Variants in TAF4B observed in about 807,000 individuals in gnomAD.
The protein encoded by TAF4B is TATA-box binding protein associated factor 4b.
In TAF4B, 38 loss-of-function variants were observed where a neutral mutation model predicts 86.4. The ratio of observed to expected loss-of-function variants is 0.44; its 90% CI spans 0.34 to 0.58. The LOEUF is 0.58. Ranked by LOEUF, TAF4B falls within the 20% of genes least tolerant of loss-of-function variation. The probability of loss-of-function intolerance (pLI) is 0.02; values close to 1 mark genes in which losing one functional copy is unlikely to be tolerated. For synonymous variants in TAF4B, 388 were observed against 391.2 expected (o/e 0.99, Z 0.10); for missense variants, 988 against 1,027.6 (o/e 0.96, Z 0.53).
At chr18:26,252,768 TA>T (rs1189353768) in intron 1 of TAF4B, among the ~76,000 whole-genome samples, 2 of 151,416 alleles carry the variant, frequency 1.3e-5, no homozygotes, top group Admixed American at 6.6e-5. Flanking sequence ...GCTGGTGGCA[TA>T]TTTTTTTATT....
chr18:26,366,811 A>C (rs929549383), intron 14 of TAF4B, among the ~76,000 whole-genome samples: 1 of 152,212 alleles, frequency 6.6e-6, no homozygotes, highest in South Asian at 2.1e-4. Flanking sequence ...CAGATAGTTC[A>C]ACCTAATACA....
intron 1 of TAF4B, among the ~76,000 whole-genome samples, chr18:26,257,279 T>C (rs1269154864): frequency 6.6e-6 from 1 of 152,214 alleles, no homozygotes; most frequent in Non-Finnish European, 1.5e-5. Flanking sequence ...GTGCTTAAAA[T>C]GTTACATCGT....
intron 5 of TAF4B, among the ~76,000 whole-genome samples, chr18:26,278,698 G>A (rs553079006): frequency 6.7e-4 from 102 of 151,376 alleles, no homozygotes; most frequent in African/African-American, 2.3e-3. Flanking sequence ...CTTTCTTACC[G>A]GTAGTTTTAC....
intron 14 of TAF4B, among the ~76,000 whole-genome samples, chr18:26,359,597 C>G (rs2057314973): frequency 6.6e-6 from 1 of 152,150 alleles, no homozygotes; most frequent in African/African-American, 2.4e-5. Flanking sequence ...AAATGGTTGA[C>G]TGTAGCTTGA....
chr18:26,241,186 A>G (rs1457889030), intron 1 of TAF4B, among the ~76,000 whole-genome samples: 1 of 152,194 alleles, frequency 6.6e-6, no homozygotes, highest in Non-Finnish European at 1.5e-5. Flanking sequence ...TACCTCTGGT[A>G]GAATTCGGCT....
chr18:26,285,440 G>A (rs113069209), intron 6 of TAF4B, among the ~76,000 whole-genome samples: 181 of 151,642 alleles, frequency 1.2e-3, no homozygotes, highest in African/African-American at 4.1e-3. Flanking sequence ...GCTTACTTTG[G>A]CCTCCCAGAG....
intron 13 of TAF4B, among the ~76,000 whole-genome samples, chr18:26,356,627 G>C (rs12957369): frequency 6.6e-6 from 1 of 151,794 alleles, no homozygotes; most frequent in Non-Finnish European, 1.5e-5. Flanking sequence ...TCTTGATCTT[G>C]TTTGAATATG....
chr18:26,321,231 C>T, intron 11 of TAF4B, 31 bp downstream of exon 11: 2 of 1,612,110 alleles, frequency 1.2e-6, no homozygotes, highest in Non-Finnish European at 8.5e-7. Context: ...AGTATAAACT[C>T]TCGAGTGTTA....
rs2056219113 is a variant in TAF4B at position 26,265,055 on chromosome 18, G to A, written c.344-115G>A. 4.1e-6 allele frequency: 4 copies of A among 983,830 alleles called. No homozygotes were observed. The South Asian group carries it at 6.6e-5, about 16-fold the overall frequency. The allele number at this position is 983,830 out of a possible 1,614,324, so 60.9% of individuals were successfully genotyped here. Reference sequence around the variant, plus strand: ...ATATAAGTAGCAGACATGAAATTCAGTATGTATTGAAGACATCTTTTTAAA... The same window carrying A: ...ATATAAGTAGCAGACATGAAATTCAATATGTATTGAAGACATCTTTTTAAA... On this transcript the variant is annotated intron_variant, in intron 1 of 14. Transcript: ENST00000269142.
intron 1 of TAF4B, among the ~76,000 whole-genome samples, chr18:26,247,252 A>C (rs73946328): frequency 6.6e-6 from 1 of 152,352 alleles, no homozygotes; most frequent in Admixed American, 6.5e-5. Context: ...TAGAATAAGT[A>C]TACAGAGTCT....
intron 11 of TAF4B, among the ~76,000 whole-genome samples, chr18:26,323,090 G>GA (rs2056975890): frequency 6.6e-6 from 1 of 152,170 alleles, no homozygotes; most frequent in Non-Finnish European, 1.5e-5. Flanking sequence ...TGTGGTCAGA[G>GA]AAGATACTTT....
intron 1 of TAF4B, among the ~76,000 whole-genome samples, chr18:26,243,289 ATTC>A (rs1333049546): frequency 6.6e-6 from 1 of 151,252 alleles, no homozygotes; most frequent in African/African-American, 2.4e-5. Context: ...ATTTTTTTTT[ATTC>A]TTTTTTCTCT....
intron 14 of TAF4B, among the ~76,000 whole-genome samples, chr18:26,377,838 G>A (rs956359775): frequency 5.9e-5 from 9 of 152,098 alleles, no homozygotes; most frequent in South Asian, 2.1e-4. Flanking sequence ...TTTGGCTTCC[G>A]TCATTAGGGA....
At chr18:26,389,272 A>T (rs1477781569) in intron 14 of TAF4B, among the ~76,000 whole-genome samples, 1 of 152,162 alleles carries the variant, frequency 6.6e-6, no homozygotes, top group Non-Finnish European at 1.5e-5. Flanking sequence ...AAAAGAGATA[A>T]TATATGAAAA....
intron 14 of TAF4B, among the ~76,000 whole-genome samples, chr18:26,387,784 T>C (rs1438599547): frequency 3.3e-5 from 5 of 152,212 alleles, no homozygotes; most frequent in African/African-American, 7.2e-5. Flanking sequence ...TGGATACTTA[T>C]GAACAAGTTT....
chr18:26,285,224 T>TTTTTTTTTTTTTTTTTTTTTTTTTTG (rs2056503385), intron 6 of TAF4B, among the ~76,000 whole-genome samples: 1 of 122,806 alleles, frequency 8.1e-6, no homozygotes, highest in Non-Finnish European at 1.8e-5. Context: ...TTTTTTTTGT[T>TTTTTTTTTTTTTTTTTTTTTTTTTTG]TTTTTTTTTT....
At chr18:26,290,512 A>G (rs1406892862) in intron 7 of TAF4B, among the ~76,000 whole-genome samples, 1 of 152,196 alleles carries the variant, frequency 6.6e-6, no homozygotes, top group Non-Finnish European at 1.5e-5. Context: ...TTAAATAGGC[A>G]GTTGCTGAGC....
At chr18:26,367,400 T>C (rs150692907) in intron 14 of TAF4B, among the ~76,000 whole-genome samples, 9 of 152,272 alleles carry the variant, frequency 5.9e-5, no homozygotes, top group Non-Finnish European at 1.3e-4. Flanking sequence ...GTCACTGGTG[T>C]AAATACGGGA....
chr18:26,260,234 C>T (rs2056144802), intron 1 of TAF4B, among the ~76,000 whole-genome samples: 1 of 152,164 alleles, frequency 6.6e-6, no homozygotes, highest in Non-Finnish European at 1.5e-5. Flanking sequence ...TGTAGGTTGC[C>T]TGTTCACTCT....
Sources: allele counts gnomAD v4.1 joint callset (sites outside exome capture counted in the v4.1 genomes callset), GRCh38; gene constraint gnomAD v4.1.1; transcripts MANE v1.5; gene names NCBI Gene and HGNC (gene_info 2026-07-23, HGNC 2026-07-21).